The following ITGAM variants were observed in gnomAD, a reference collection of about 807,000 sequenced individuals.
ITGAM encodes integrin subunit alpha M, also known as integrin alpha-M.
ITGAM carries 79 observed loss-of-function variants against 137.5 expected under a neutral mutation model. The observed-to-expected ratio is 0.57, with a 90% CI of 0.48 to 0.69. ITGAM has a LOEUF of 0.69. Among genes scored for constraint, ITGAM ranks in the 30% least tolerant of loss-of-function variants. ITGAM has a pLI of 0.00. For synonymous variants in ITGAM, 583 were observed against 592.3 expected (o/e 0.98, Z 0.23); for missense variants, 1,343 against 1,483.5 (o/e 0.91, Z 1.56).
intron 5 of ITGAM, among the ~76,000 whole-genome samples, chr16:31,267,919 C>G (rs1016505650): frequency 6.6e-6 from 1 of 152,204 alleles, no homozygotes; most frequent in African/African-American, 2.4e-5. Flanking sequence ...GCTGGGATCA[C>G]AGGTGTGAGC....
chr16:31,329,667 C>G, intron 24 of ITGAM, 131 bp from the exon 25 acceptor site: 1 of 699,184 alleles, frequency 1.4e-6, no homozygotes, highest in South Asian at 1.8e-5. Flanking sequence ...ATTACATGTA[C>G]ACTCTACTCT....
intron 16 of ITGAM, among the ~76,000 whole-genome samples, chr16:31,322,752 T>A (rs2080463041): frequency 6.6e-6 from 1 of 152,102 alleles, no homozygotes; most frequent in African/African-American, 2.4e-5. Flanking sequence ...AGGGAAAGGA[T>A]GAGAACTTCA....
chr16:31,323,554 A>T (rs889707949), intron 16 of ITGAM, among the ~76,000 whole-genome samples: 1 of 152,228 alleles, frequency 6.6e-6, no homozygotes, highest in Non-Finnish European at 1.5e-5. Context: ...GACCAAAGAC[A>T]AAGAGAAAAA....
intron 5 of ITGAM, among the ~76,000 whole-genome samples, chr16:31,269,532 A>G (rs2079805768): frequency 6.6e-6 from 1 of 152,192 alleles, no homozygotes; most frequent in Admixed American, 6.6e-5. Context: ...GCAAGATGGA[A>G]TCAGTTAAGT....
chr16:31,280,781 T>A (rs2079960412), intron 12 of ITGAM, among the ~76,000 whole-genome samples: 1 of 152,196 alleles, frequency 6.6e-6, no homozygotes, highest in Admixed American at 6.5e-5. Flanking sequence ...AGAGAGGGCA[T>A]CTCTGTCATG....
chr16:31,307,625 C>T (rs1192536485), intron 14 of ITGAM, among the ~76,000 whole-genome samples: 5 of 152,054 alleles, frequency 3.3e-5, no homozygotes, highest in Non-Finnish European at 7.4e-5. Flanking sequence ...TTTTCCTAAT[C>T]GAATGCCCTT....
At chr16:31,275,126 G>C (rs1428816192) in intron 8 of ITGAM, among the ~76,000 whole-genome samples, 1 of 152,038 alleles carries the variant, frequency 6.6e-6, no homozygotes, top group Admixed American at 6.6e-5. Flanking sequence ...AGAGTGCTGG[G>C]GGAAAGGGCT....
At chr16:31,272,571 C>T (rs1346934149) in intron 7 of ITGAM, among the ~76,000 whole-genome samples, 1 of 135,012 alleles carries the variant, frequency 7.4e-6, no homozygotes, top group African/African-American at 2.8e-5. Context: ...GCAACCTCCA[C>T]CTCCTGGGTT....
intron 8 of ITGAM, among the ~76,000 whole-genome samples, chr16:31,273,963 G>C (rs1196626386): frequency 2.0e-5 from 3 of 152,218 alleles, no homozygotes; most frequent in African/African-American, 7.2e-5. Context: ...GAAGGCAGGG[G>C]AGCAAGAGAA....
At chr16:31,263,186 C>T (rs913092689) in intron 2 of ITGAM, among the ~76,000 whole-genome samples, 2 of 152,050 alleles carry the variant, frequency 1.3e-5, no homozygotes, top group Non-Finnish European at 2.9e-5. Flanking sequence ...GGTGATCCAC[C>T]TGCCTCGGCC....
chr16:31,275,429 C>A, intron 8 of ITGAM, 120 bp from the exon 9 acceptor site: 1 of 1,068,496 alleles, frequency 9.4e-7, no homozygotes, highest in Non-Finnish European at 1.4e-6. Context: ...TCCCAGGGAC[C>A]TTCTGATGCA....
rs540484512 is a variant in ITGAM, at chr16:31,285,974, A to G, written c.1356+7865A>G. On this transcript the variant is annotated intron_variant, in intron 12 of 29. Transcript: ENST00000544665. ...GGTGTGAACCACTGCGCCTGGCCCAATAGGTGGTTTTCCAACCCACACCTC... is the reference window on the plus strand; with the variant it reads ...GGTGTGAACCACTGCGCCTGGCCCAGTAGGTGGTTTTCCAACCCACACCTC... Among the ~76,000 whole-genome samples the G allele has an allele frequency of 2.6e-5, 4 of 152,016 alleles. No homozygotes were observed. In the East Asian group the frequency reaches 5.8e-4, roughly 22 times the overall value.
chr16:31,273,323 A>G, intron 7 of ITGAM, 42 bp from the exon 8 acceptor site: 2 of 1,558,174 alleles, frequency 1.3e-6, no homozygotes, highest in Non-Finnish European at 1.7e-6. Context: ...CTAGTGTGTC[A>G]TCTACTTGCA....
chr16:31,272,128 G>A (rs1165896800), intron 7 of ITGAM, 136 bp downstream of exon 7: 6 of 1,008,204 alleles, frequency 6.0e-6, no homozygotes, highest in Middle Eastern at 6.5e-4. Flanking sequence ...GGCTGTGCGT[G>A]GTGTGTTCAT....
chr16:31,276,801 G>A lies in ITGAM; in HGVS notation c.1083+57G>A. ...GGGCAGGGGGTAGCAAGAAGAGATAGGAGAGATGTGGGGGTTTGGGGACTC... is the reference window on the plus strand; with the variant it reads ...GGGCAGGGGGTAGCAAGAAGAGATAAGAGAGATGTGGGGGTTTGGGGACTC... On this transcript the variant is annotated intron_variant, in intron 10 of 29. Coordinates refer to ENST00000544665, the MANE Select transcript of ITGAM (RefSeq NM_000632.4). The A allele has an allele frequency of 1.9e-6, 3 of 1,566,368 alleles. No homozygotes were observed. In the South Asian group the frequency reaches 3.4e-5, roughly 18 times the overall value.
intron 12 of ITGAM, among the ~76,000 whole-genome samples, chr16:31,295,668 A>G (rs2080125802): frequency 6.6e-6 from 1 of 151,266 alleles, no homozygotes; most frequent in South Asian, 2.1e-4. Flanking sequence ...GTGTAAACAG[A>G]GACAAATTTC....
At chr16:31,310,190 G>A (rs564613979) in intron 14 of ITGAM, among the ~76,000 whole-genome samples, 4 of 152,068 alleles carry the variant, frequency 2.6e-5, no homozygotes, top group Admixed American at 2.0e-4. Context: ...TGCTCTTCTC[G>A]AGGAGTATCT....
At chr16:31,264,068 C>A (rs2079736479) in intron 2 of ITGAM, among the ~76,000 whole-genome samples, 1 of 151,828 alleles carries the variant, frequency 6.6e-6, no homozygotes, top group Non-Finnish European at 1.5e-5. Context: ...GATTTCCTGA[C>A]CTCGTGATCC....
At chr16:31,283,699 C>T (rs961483523) in intron 12 of ITGAM, among the ~76,000 whole-genome samples, 2 of 151,882 alleles carry the variant, frequency 1.3e-5, no homozygotes, top group East Asian at 3.8e-4. Context: ...TTGTTATTAC[C>T]GATCATCTGA....
Sources: allele counts gnomAD v4.1 joint callset (sites outside exome capture counted in the v4.1 genomes callset), GRCh38; gene constraint gnomAD v4.1.1; transcripts MANE v1.5; gene names NCBI Gene and HGNC (gene_info 2026-07-23, HGNC 2026-07-21).